ATP9B: variants seen among roughly 807,000 people sequenced by gnomAD.
ATP9B encodes probable phospholipid-transporting ATPase IIB.
Under a neutral mutation model 146.1 loss-of-function variants are expected in ATP9B, and 110 were observed. That is an observed-to-expected ratio of 0.75 (90% CI 0.65 to 0.88). The LOEUF (loss-of-function observed/expected upper bound fraction) is 0.88. Among genes scored for constraint, ATP9B ranks in the 40% least tolerant of loss-of-function variants. ATP9B has a pLI of 0.00. For synonymous variants in ATP9B, 604 were observed against 569.7 expected (o/e 1.06, Z -0.86); for missense variants, 1,499 against 1,496.4 (o/e 1.00, Z -0.03).
At chr18:79,081,167 T>C (rs2073222281) in intron 1 of ATP9B, among the ~76,000 whole-genome samples, 1 of 152,194 alleles carries the variant, frequency 6.6e-6, no homozygotes, top group Admixed American at 6.5e-5. Flanking sequence ...TCTTTTTCTG[T>C]TGTTTGGAAT....
At chr18:79,176,184 G>A (rs1302160258) in intron 7 of ATP9B, among the ~76,000 whole-genome samples, 1 of 152,138 alleles carries the variant, frequency 6.6e-6, no homozygotes, top group South Asian at 2.1e-4. Context: ...AAATAATGCT[G>A]CAAGGAGCAG....
chr18:79,327,548 G>C (rs200140773), intron 15 of ATP9B, among the ~76,000 whole-genome samples: 35 of 131,766 alleles, frequency 2.7e-4, no homozygotes, highest in African/African-American at 7.8e-4. Context: ...CGTGCTCTCC[G>C]TGGTTAGCGT....
intron 8 of ATP9B, among the ~76,000 whole-genome samples, chr18:79,189,582 A>G (rs2095343136): frequency 6.6e-6 from 1 of 152,224 alleles, no homozygotes; most frequent in South Asian, 2.1e-4. Flanking sequence ...CATATGTATT[A>G]TATACTGTGT....
chr18:79,092,314 C>T (rs367820563), intron 1 of ATP9B, among the ~76,000 whole-genome samples: 2 of 152,288 alleles, frequency 1.3e-5, no homozygotes, highest in East Asian at 1.9e-4. Context: ...AGGCTACAAA[C>T]TTGTGCAGCA....
intron 1 of ATP9B, among the ~76,000 whole-genome samples, chr18:79,081,879 T>C (rs1197973983): frequency 1.3e-5 from 2 of 152,066 alleles, no homozygotes; most frequent in African/African-American, 4.8e-5. Flanking sequence ...CTGACGATTA[T>C]GTGTCTTGGG....
At chr18:79,206,033 C>T (rs2095530553) in intron 9 of ATP9B, among the ~76,000 whole-genome samples, 1 of 151,856 alleles carries the variant, frequency 6.6e-6, no homozygotes, top group Non-Finnish European at 1.5e-5. Flanking sequence ...CTCTGCCTCC[C>T]GGGTTCACGC....
At chr18:79,369,040 C>G (rs1417681649) in intron 26 of ATP9B, among the ~76,000 whole-genome samples, 1 of 152,096 alleles carries the variant, frequency 6.6e-6, no homozygotes, top group East Asian at 1.9e-4. Flanking sequence ...ACTTTTTCTC[C>G]TCTTGCATCT....
rs1263332519 is a variant in ATP9B at position 79,288,876 on chromosome 18, C to A, written c.1411+11680C>A. 2.0e-5 allele frequency among the ~76,000 whole-genome samples: 3 copies of A among 152,234 alleles called. No individual in the cohort carries two copies. The South Asian group carries it at 6.2e-4, about 32-fold the overall frequency. On this transcript the variant is annotated intron_variant, in intron 13 of 29. Transcript: ENST00000426216. Reference sequence around the variant, plus strand: ...TTTTATTTCTCCTTCACTTACGAAGCTTAGTTTGGCTGGATATGAAATTCT... The same window carrying A: ...TTTTATTTCTCCTTCACTTACGAAGATTAGTTTGGCTGGATATGAAATTCT...
At chr18:79,077,811 A>G (rs951817007) in intron 1 of ATP9B, among the ~76,000 whole-genome samples, 1 of 152,206 alleles carries the variant, frequency 6.6e-6, no homozygotes, top group Non-Finnish European at 1.5e-5. Context: ...TGAAATGCCC[A>G]ATCTGTATTT....
At chr18:79,105,497 G>C (rs1207710154) in intron 2 of ATP9B, among the ~76,000 whole-genome samples, 1 of 152,108 alleles carries the variant, frequency 6.6e-6, no homozygotes, top group East Asian at 1.9e-4. Flanking sequence ...ATTTCTTCAT[G>C]GCTTGAGACC....
At position 79,076,754 on chromosome 18, in the gene ATP9B, G is replaced by A. The variant is rs150986150; in HGVS notation, c.119+7225G>A. Among the ~76,000 whole-genome samples the A allele has an allele frequency of 4.7e-3, 716 of 152,190 alleles. 8 individuals are homozygous for A. The highest frequency in any genetic ancestry group is 0.016 in the Admixed American group (252 of 15,296). ...GAGTGCTTTTTGAGCTCTACTCTCC[G>A]TCCCTTCTTTTACCCTGGTGACACC... On this transcript the variant is annotated intron_variant, in intron 1 of 29. Transcript: ENST00000426216.
chr18:79,161,586 C>T (rs2094881159), intron 7 of ATP9B, among the ~76,000 whole-genome samples: 1 of 152,158 alleles, frequency 6.6e-6, no homozygotes, highest in African/African-American at 2.4e-5. Context: ...CGGTGGCTCA[C>T]GCTTGTAATC....
chr18:79,339,047 C>T (rs1476122879), intron 19 of ATP9B, among the ~76,000 whole-genome samples: 1 of 152,220 alleles, frequency 6.6e-6, no homozygotes, highest in Non-Finnish European at 1.5e-5. Context: ...ATTTAATGTC[C>T]TTCTGAGATC....
chr18:79,157,343 C>T (rs2094801981), intron 7 of ATP9B, among the ~76,000 whole-genome samples: 1 of 129,992 alleles, frequency 7.7e-6, no homozygotes, highest in Admixed American at 9.5e-5. Context: ...TTGCAGTGAG[C>T]CGAGATTGTG....
chr18:79,329,407 T>C (rs1243802517), intron 16 of ATP9B, 105 bp downstream of exon 16: 2 of 1,285,840 alleles, frequency 1.6e-6, no homozygotes, highest in East Asian at 2.5e-5. Context: ...ACTCAGGTGC[T>C]TTATGCTGTT....
chr18:79,186,031 T>C (rs1167572172), intron 8 of ATP9B, among the ~76,000 whole-genome samples: 1 of 152,228 alleles, frequency 6.6e-6, no homozygotes, highest in Non-Finnish European at 1.5e-5. Context: ...TTCATAGCTG[T>C]CTGGAGGCAC....
intron 10 of ATP9B, 100 bp downstream of exon 10, chr18:79,207,112 A>G (rs1289943235): frequency 6.9e-5 from 79 of 1,142,104 alleles, no homozygotes; most frequent in Non-Finnish European, 9.6e-5. Context: ...GTGCCCTGAA[A>G]TATTTAGGGA....
rs567870789 is a variant in ATP9B at position 79,240,864 on chromosome 18, C to T, written c.1108-12517C>T. On this transcript the variant is annotated intron_variant, in intron 11 of 29. Coordinates refer to ENST00000426216, the MANE Select transcript of ATP9B (RefSeq NM_198531.5). Reference sequence around the variant, plus strand: ...AACCTTGGCATTTGGCAGTGTCGGGCCAAGGATGCAGAACTGAAGTTGGGG... The same window carrying T: ...AACCTTGGCATTTGGCAGTGTCGGGTCAAGGATGCAGAACTGAAGTTGGGG... Among the ~76,000 whole-genome samples, 62 of 152,260 alleles carry T rather than the reference C, an allele frequency of 4.1e-4. No individual in the cohort carries two copies. In the Middle Eastern group the frequency reaches 0.014, roughly 33 times the overall value.
At chr18:79,323,901 C>T (rs1028891261) in intron 15 of ATP9B, among the ~76,000 whole-genome samples, 3 of 152,196 alleles carry the variant, frequency 2.0e-5, no homozygotes, top group Admixed American at 6.5e-5. Context: ...GAGGGCTGCA[C>T]GAATTTACAT....
Sources: gnomAD v4.1 joint callset for allele counts (sites outside exome capture counted in the v4.1 genomes callset) on GRCh38, gnomAD v4.1.1 for gene constraint, MANE v1.5 for transcripts, NCBI Gene and HGNC (gene_info 2026-07-23, HGNC 2026-07-21) for gene names.